LAMA2: variants seen among roughly 807,000 people sequenced by gnomAD.
The protein encoded by LAMA2 is laminin subunit alpha 2.
In LAMA2, 269 loss-of-function variants were observed where a neutral mutation model predicts 364.8. The observed-to-expected ratio is 0.74, with a 90% CI of 0.67 to 0.82. LAMA2 has a LOEUF of 0.82. Among genes scored for constraint, LAMA2 ranks in the 40% least tolerant of loss-of-function variants. The pLI, the probability that LAMA2 is intolerant of heterozygous loss-of-function variation, is 0.00. For missense variants in LAMA2, 3,807 were observed against 3,873.2 expected, an observed-to-expected ratio of 0.98 and a Z score of 0.45; for synonymous variants, 1,379 against 1,370.6, an observed-to-expected ratio of 1.01 and a Z score of -0.14.
At chr6:129,428,598 C>A (rs995720246) in intron 41 of LAMA2, among the ~76,000 whole-genome samples, 31 of 152,074 alleles carry the variant, frequency 2.0e-4, no homozygotes, top group African/African-American at 7.5e-4. Flanking sequence ...GTGCATGCCA[C>A]CACACCTGGC....
intron 62 of LAMA2, among the ~76,000 whole-genome samples, chr6:129,510,834 C>T (rs570746735): frequency 9.2e-5 from 14 of 151,988 alleles, no homozygotes; most frequent in African/African-American, 3.4e-4. Flanking sequence ...GGAAACCCCA[C>T]CTACAGGGAA....
At chr6:129,361,571 C>T (rs775750967) in intron 32 of LAMA2, among the ~76,000 whole-genome samples, 90 of 152,326 alleles carry the variant, frequency 5.9e-4, no homozygotes, top group African/African-American at 1.2e-3. Context: ...TCCTCTCTCA[C>T]GTTGCCTCCC....
chr6:129,448,287 C>T (rs530673427), intron 45 of LAMA2, among the ~76,000 whole-genome samples: 2 of 147,152 alleles, frequency 1.4e-5, no homozygotes, highest in Non-Finnish European at 3.0e-5. Context: ...TGTCCCCCCC[C>T]AAAAAAAAAG....
At chr6:129,503,474 A>G (rs1785809134) in intron 60 of LAMA2, among the ~76,000 whole-genome samples, 194 bp downstream of exon 60, 3 of 152,184 alleles carry the variant, frequency 2.0e-5, no homozygotes, top group Non-Finnish European at 4.4e-5. Flanking sequence ...GCATTTGACC[A>G]CTGGCATGCC....
At chr6:129,017,915 T>C (rs910314331) in intron 1 of LAMA2, among the ~76,000 whole-genome samples, 21 of 152,206 alleles carry the variant, frequency 1.4e-4, no homozygotes, top group East Asian at 5.8e-4. Context: ...AGTTATTTTA[T>C]GTTAGATCTT....
At chr6:129,491,077 G>GAAGT (rs1784837284) in intron 56 of LAMA2, 3 of 152,214 alleles carry the variant, frequency 2.0e-5, no homozygotes, top group Non-Finnish European at 4.4e-5. Flanking sequence ...CTCCAGATAT[G>GAAGT]AAGTAAGTTT....
At chr6:128,973,317 G>GC (rs1384149490) in intron 1 of LAMA2, among the ~76,000 whole-genome samples, 1 of 152,098 alleles carries the variant, frequency 6.6e-6, no homozygotes, top group Non-Finnish European at 1.5e-5. Flanking sequence ...CAAAGACATA[G>GC]CCACACATGG....
intron 1 of LAMA2, among the ~76,000 whole-genome samples, chr6:128,911,793 C>T (rs933243372): frequency 1.3e-5 from 2 of 152,164 alleles, no homozygotes; most frequent in Non-Finnish European, 2.9e-5. Flanking sequence ...TCTCCTTTCC[C>T]AGAAGGCCCT....
chr6:129,154,741 G>T, intron 8 of LAMA2, 58 bp downstream of exon 8: 1 of 1,338,374 alleles, frequency 7.5e-7, no homozygotes, highest in Non-Finnish European at 1.1e-6. Context: ...ATACAAAAAT[G>T]TTTTATACAA....
chr6:128,933,763 T>C (rs957932758), intron 1 of LAMA2, among the ~76,000 whole-genome samples: 3 of 152,184 alleles, frequency 2.0e-5, no homozygotes, highest in Admixed American at 6.5e-5. Flanking sequence ...TTAGGTCCTT[T>C]GTCCATTTTG....
chr6:128,946,300 T>C (rs1439026384), intron 1 of LAMA2, among the ~76,000 whole-genome samples: 1 of 152,194 alleles, frequency 6.6e-6, no homozygotes, highest in African/African-American at 2.4e-5. Context: ...TAGTTTAGCC[T>C]AGCCTACCTT....
chr6:129,271,763 G>A (rs1011231754), intron 17 of LAMA2, among the ~76,000 whole-genome samples: 4 of 152,128 alleles, frequency 2.6e-5, no homozygotes, highest in African/African-American at 9.7e-5. Context: ...TCTAGGCACT[G>A]TGACAACACT....
intron 51 of LAMA2, among the ~76,000 whole-genome samples, chr6:129,466,140 C>T (rs1003365311): frequency 3.3e-5 from 5 of 151,900 alleles, no homozygotes; most frequent in African/African-American, 9.7e-5. Context: ...CTGCCAGGCA[C>T]CTTCTAAGTA....
rs140343568 is a variant in LAMA2 at position 129,122,297 on chromosome 6, A to G, written c.640-21604A>G. Reference sequence around the variant, plus strand: ...TTATATGAGAACTTATTCCTTGTATACCAAATGTTTCATGGAACACCACCA... The same window carrying G: ...TTATATGAGAACTTATTCCTTGTATGCCAAATGTTTCATGGAACACCACCA... On this transcript the variant is annotated intron_variant, in intron 4 of 64. Coordinates refer to ENST00000421865, the MANE Select transcript of LAMA2 (RefSeq NM_000426.4). 3.5e-3 allele frequency among the ~76,000 whole-genome samples: 534 copies of G among 152,314 alleles called. 3 individuals are homozygous for G. The highest frequency in any genetic ancestry group is 5.9e-3 in the Non-Finnish European group (399 of 68,030).
At chr6:128,989,665 A>G (rs1458005765) in intron 1 of LAMA2, among the ~76,000 whole-genome samples, 1 of 152,258 alleles carries the variant, frequency 6.6e-6, no homozygotes, top group Non-Finnish European at 1.5e-5. Flanking sequence ...CTTTGCTTAT[A>G]CTTATAAAAG....
At position 128,883,348 on chromosome 6, in the gene LAMA2, C is replaced by A; in HGVS notation, c.103C>A (p.Gln35Lys). 1 of 1,597,416 alleles carries A rather than the reference C, an allele frequency of 6.3e-7. No homozygotes were observed. The highest frequency in any genetic ancestry group is 8.5e-7 in the Non-Finnish European group (1 of 1,172,226). ...GCAGCAGCGGCAGTCACAGGCACAT[C>A]AGCAAAGAGGTACAGTCGAGGCATG... ...PQQQRQSQAHQQRGLFPAVLN... is the reference protein window; with the variant it reads ...PQQQRQSQAHKQRGLFPAVLN... Residue 35 changes from glutamine to lysine, a missense_variant, in exon 1 of 65, where the codon CAG (glutamine) becomes AAG (lysine). Coordinates refer to ENST00000421865, the MANE Select transcript of LAMA2 (RefSeq NM_000426.4).
chr6:129,483,989 T>A (rs1562606356), intron 55 of LAMA2, among the ~76,000 whole-genome samples: 2 of 152,208 alleles, frequency 1.3e-5, no homozygotes. Context: ...GTCTTAAATA[T>A]GGAAGGACAA....
At chr6:128,994,356 C>G (rs1783794995) in intron 1 of LAMA2, among the ~76,000 whole-genome samples, 1 of 152,176 alleles carries the variant, frequency 6.6e-6, no homozygotes, top group African/African-American at 2.4e-5. Context: ...ATAGGGGGAA[C>G]TTTTGATCTC....
intron 12 of LAMA2, among the ~76,000 whole-genome samples, chr6:129,210,663 A>G (rs1233537535): frequency 1.3e-5 from 2 of 152,204 alleles, no homozygotes; most frequent in Admixed American, 1.3e-4. Context: ...AGCCAGTTAT[A>G]AACACAGGTA....
Sources: gnomAD v4.1 joint callset for allele counts (sites outside exome capture counted in the v4.1 genomes callset) on GRCh38, gnomAD v4.1.1 for gene constraint, MANE v1.5 for transcripts, NCBI Gene and HGNC (gene_info 2026-07-23, HGNC 2026-07-21) for gene names.